LMNA: variants seen among roughly 807,000 people sequenced by gnomAD.
The protein encoded by LMNA is lamin.
In LMNA, 20 loss-of-function variants were observed where a neutral mutation model predicts 70.4. The ratio of observed to expected loss-of-function variants is 0.28; its 90% CI spans 0.20 to 0.41. The LOEUF is 0.41. Ranked by LOEUF, LMNA falls within the 10% of genes least tolerant of loss-of-function variation. The pLI is 1.00. For synonymous variants in LMNA, 339 were observed against 372.8 expected, an observed-to-expected ratio of 0.91 and a Z score of 1.04; for missense variants, 652 against 917.2, an observed-to-expected ratio of 0.71 and a Z score of 3.73.
At chr1:156,121,135 C>T (rs1318400435) in intron 1 of LMNA, among the ~76,000 whole-genome samples, 2 of 150,678 alleles carry the variant, frequency 1.3e-5, no homozygotes, top group Non-Finnish European at 3.0e-5. Flanking sequence ...CTGCAATCTC[C>T]ACCTCCCAGG....
In LMNA at chr1:156,093,299, A is replaced by T. The variant is rs140658943; in HGVS notation, c.-207+2717A>T. 8.6e-4 allele frequency among the ~76,000 whole-genome samples: 98 copies of T among 113,936 alleles called. 2 individuals are homozygous for T. The highest frequency in any genetic ancestry group is 1.1e-3 in the South Asian group (4 of 3,678). The allele number at this position is 113,936 out of a possible 152,430, so 74.7% of individuals were successfully genotyped here. ...CTTGCAGGACTCAATTTATATGTCAATTTTTTTTTTTTTTTTTTTTTTTTT... is the reference window on the plus strand; with the variant it reads ...CTTGCAGGACTCAATTTATATGTCATTTTTTTTTTTTTTTTTTTTTTTTTT... On this transcript the variant is annotated intron_variant, in intron 3 of 12. Transcript: ENST00000368301.
At position 156,137,803 on chromosome 1, in the gene LMNA, G is replaced by A. The variant is rs368763171; in HGVS notation, c.1698+60G>A. The A allele has an allele frequency of 6.5e-5, 100 of 1,546,782 alleles. No individual in the cohort carries two copies. The highest frequency in any genetic ancestry group is 8.4e-5 in the Non-Finnish European group (96 of 1,146,460). ...CTGGGGCCACCCAGCCAGGCCTGGG[G>A]GCAGCCTCTCCCCAGCCTCCCCGTG... On this transcript the variant is annotated intron_variant, in intron 10 of 11. Coordinates refer to ENST00000368300, the MANE Select transcript of LMNA (RefSeq NM_170707.4). The surrounding 1 kb of genome is among the most constrained non-coding windows in gnomAD (Gnocchi z 4.6).
At chr1:156,133,413 A>G (rs1467303648) in intron 2 of LMNA, among the ~76,000 whole-genome samples, 1 of 151,682 alleles carries the variant, frequency 6.6e-6, no homozygotes, top group African/African-American at 2.4e-5. Flanking sequence ...TCTACTAAAG[A>G]TACAAAAATT....
Position 156,115,200 on chromosome 1 carries a change from A to C in LMNA, c.282A>C (p.Ser94=). 6.2e-7 allele frequency: 1 copy of C among 1,613,200 alleles called. No homozygotes were observed. The highest frequency in any genetic ancestry group is 8.5e-7 in the Non-Finnish European group (1 of 1,179,770). The part of the protein sequence containing the change: ...ELGDARKTLD[S]VAKERARLQL... Reference sequence around the variant, plus strand: ...GGGATGCCCGCAAGACCCTTGACTCAGTAGCCAAGGAGCGCGCCCGCCTGC... The same window carrying C: ...GGGATGCCCGCAAGACCCTTGACTCCGTAGCCAAGGAGCGCGCCCGCCTGC... Residue 94 remains serine, a synonymous_variant, in exon 1 of 12, where the codon TCA becomes TCC. Transcript: ENST00000368300. This position sits in a 1 kb window ranked among gnomAD's most constrained non-coding sequence, Gnocchi z 5.8.
chr1:156,106,536 G>T (rs933892322), intron 3 of LMNA: 1 of 152,516 alleles, frequency 6.6e-6, no homozygotes. Flanking sequence ...GTGTGGAGTG[G>T]GGAGAACAGC....
At position 156,135,179 on chromosome 1, in the gene LMNA, C is replaced by T. The variant is rs780929524; in HGVS notation, c.811-8C>T. ...ACCACAGTCCTAACCCTTTGTCCTC[C>T]CCTCCAGCTGGACAATGCCAGGCAG... is the stretch of plus-strand genomic sequence containing the variant. On this transcript the variant is annotated splice_polypyrimidine_tract_variant and splice_region_variant and intron_variant, in intron 4 of 11. Coordinates refer to ENST00000368300, the MANE Select transcript of LMNA (RefSeq NM_170707.4). This position sits in a 1 kb window ranked among gnomAD's most constrained non-coding sequence, Gnocchi z 4.8. The T allele has an allele frequency of 1.9e-6, 3 of 1,614,036 alleles. No individual in the cohort carries two copies. In the Admixed American group the frequency reaches 5.0e-5, roughly 27 times the overall value.
intron 3 of LMNA, among the ~76,000 whole-genome samples, chr1:156,095,604 G>T (rs865796865): frequency 1.3e-5 from 2 of 150,594 alleles, no homozygotes; most frequent in African/African-American, 4.9e-5. Context: ...TGATCCACCC[G>T]CCTCGGCCTC....
intron 1 of LMNA, among the ~76,000 whole-genome samples, chr1:156,124,157 C>G (rs944321048): frequency 6.6e-6 from 1 of 152,084 alleles, no homozygotes; most frequent in South Asian, 2.1e-4. Context: ...GTGAGGGAGT[C>G]GGGGTGTTTC....
chr1:156,092,864 C>T (rs1331694526), intron 3 of LMNA, among the ~76,000 whole-genome samples: 1 of 150,562 alleles, frequency 6.6e-6, no homozygotes, highest in Non-Finnish European at 1.5e-5. Context: ...GGACTTTCTC[C>T]TTTCTTTCTT....
At position 156,134,744 on chromosome 1, in the gene LMNA, C is replaced by G; in HGVS notation, c.640-61C>G. 1 of 1,607,318 alleles carries G rather than the reference C, an allele frequency of 6.2e-7. No homozygotes were observed. The highest frequency in any genetic ancestry group is 2.2e-5 in the East Asian group (1 of 44,842). On this transcript the variant is annotated intron_variant, in intron 3 of 11. Coordinates refer to ENST00000368300, the MANE Select transcript of LMNA (RefSeq NM_170707.4). This position sits in a 1 kb window ranked among gnomAD's most constrained non-coding sequence, Gnocchi z 5.3. ...TGGGCAGGGAGCCCCGCCCCTGGGT[C>G]TTGGCCTCCCAGGAACTAATTCTGA...
rs1460631717 is a variant in LMNA, at chr1:156,136,378, C to T, written c.1322C>T (p.Ala441Val). The change falls in exon 7 of 12, where the codon GCC becomes GTC. Residue 441 changes from alanine (A) to valine (V), a missense_variant. Ala to Val is a moderately conservative substitution (Grantham distance 64). This residue lies in a region of LMNA where 327 missense variants were observed against 387.6 expected (regional missense o/e 0.84). Transcript: ENST00000368300. This position sits in a 1 kb window ranked among gnomAD's most constrained non-coding sequence, Gnocchi z 6.1. ...SQHARTSGRV[A>V]VEEVDEEGKF... is the part of the protein sequence containing the mutation. ...CACGCACGCACTAGCGGGCGCGTGG[C>T]CGTGGAGGAGGTGGATGAGGAGGGC... 1.2e-6 allele frequency: 2 copies of T among 1,611,350 alleles called. No individual in the cohort carries two copies. Among genetic ancestry groups the T allele is most frequent in the South Asian group, 2.2e-5 (2 of 90,910 alleles).
At chr1:156,105,093 C>T (rs1211180519) in intron 3 of LMNA, among the ~76,000 whole-genome samples, 3 of 152,180 alleles carry the variant, frequency 2.0e-5, no homozygotes, top group South Asian at 2.1e-4. Flanking sequence ...CTGTCACTGA[C>T]GGAGAGCCCC....
chr1:156,138,623 T>C lies in LMNA; in HGVS notation c.1834T>C (p.Ser612Pro), dbSNP rs761166160. 6.2e-7 allele frequency: 1 copy of C among 1,613,234 alleles called. No individual in the cohort carries two copies. Among genetic ancestry groups the C allele is most frequent in the Admixed American group, 1.7e-5 (1 of 59,976 alleles). Residue 612 changes from serine (S) to proline (P), a missense_variant, in exon 11 of 12, where the codon TCC becomes CCC. This residue lies in a region of LMNA where 327 missense variants were observed against 387.6 expected (regional missense o/e 0.84). Coordinates refer to ENST00000368300, the MANE Select transcript of LMNA (RefSeq NM_170707.4). The surrounding 1 kb of genome is among the most constrained non-coding windows in gnomAD (Gnocchi z 5.5). ...GSGAQVGGPI[S>P]SGSSASSVTV... Reference sequence around the variant, plus strand: ...AGGAGCCCAGGTGGGCGGACCCATCTCCTCTGGCTCTTCTGCCTCCAGTGT... The same window carrying C: ...AGGAGCCCAGGTGGGCGGACCCATCCCCTCTGGCTCTTCTGCCTCCAGTGT...
At chr1:156,104,491 A>C in intron 3 of LMNA, among the ~76,000 whole-genome samples, 1 of 149,706 alleles carries the variant, frequency 6.7e-6, no homozygotes, top group African/African-American at 2.5e-5. Context: ...TGTGGTCCTC[A>C]CCCCCTCCCT....
Position 156,137,351 on chromosome 1 carries a change from T to C in LMNA, c.1608+119T>C. ...AGGGCCCCTTTCTAGAGCTCTCTGT[T>C]GCAGGCTCCAGACTTCTCCACCCAG... On this transcript the variant is annotated intron_variant, in intron 9 of 11. Coordinates refer to ENST00000368300, the MANE Select transcript of LMNA (RefSeq NM_170707.4). The surrounding 1 kb of genome is among the most constrained non-coding windows in gnomAD (Gnocchi z 4.6). The C allele has an allele frequency of 7.4e-7, 1 of 1,347,948 alleles. No individual in the cohort carries two copies. Among genetic ancestry groups the C allele is most frequent in the Admixed American group, 2.0e-5 (1 of 50,584 alleles). 83.5% of individuals were successfully genotyped at this position (1,347,948 alleles called of 1,614,324 possible). A position where few individuals can be genotyped will look rare whatever the true frequency, so the allele number is the denominator to read the frequency against.
intron 3 of LMNA, among the ~76,000 whole-genome samples, chr1:156,091,604 AAAACAAAC>A (rs374242861): frequency 1.8e-4 from 27 of 152,128 alleles, no homozygotes; most frequent in South Asian, 1.5e-3. Flanking sequence ...CTCCGTCTCA[AAAACAAAC>A]AAACAAACAA....
In LMNA at chr1:156,136,716, A is replaced by G. The variant is rs1466587154; in HGVS notation, c.1381-205A>G. 5 of 680,052 alleles carry G rather than the reference A, an allele frequency of 7.4e-6. No homozygotes were observed. Among genetic ancestry groups the G allele is most frequent in the African/African-American group, 7.1e-5 (4 of 56,506 alleles). The allele number at this position is 680,052 out of a possible 1,614,324, so 42.1% of individuals were successfully genotyped here. The stretch of plus-strand genomic sequence containing the variant: ...GTCTTTGAGTTGTCAGGAAGATGAA[A>G]GATAAGGTATCCGTGTGCCTGGTGC... On this transcript the variant is annotated intron_variant, in intron 7 of 11. Transcript: ENST00000368300. The surrounding 1 kb of genome is among the most constrained non-coding windows in gnomAD (Gnocchi z 6.1).
At position 156,138,604 on chromosome 1, in the gene LMNA, C is replaced by A. The variant is rs2102901765; in HGVS notation, c.1815C>A (p.Ala605=). 6.2e-7 allele frequency: 1 copy of A among 1,613,010 alleles called. No homozygotes were observed. The highest frequency in any genetic ancestry group is 8.5e-7 in the Non-Finnish European group (1 of 1,179,842). Residue 605 remains alanine, a synonymous_variant, in exon 11 of 12, where the codon GCC becomes GCA. Transcript: ENST00000368300. This position sits in a 1 kb window ranked among gnomAD's most constrained non-coding sequence, Gnocchi z 5.5. ...ADKASASGSG[A]QVGGPISSGS... Reference sequence around the variant, plus strand: ...AGGCATCTGCCAGCGGCTCAGGAGCCCAGGTGGGCGGACCCATCTCCTCTG... The same window carrying A: ...AGGCATCTGCCAGCGGCTCAGGAGCACAGGTGGGCGGACCCATCTCCTCTG...
rs529449483 is a variant in LMNA at position 156,137,269 on chromosome 1, G to A, written c.1608+37G>A. On this transcript the variant is annotated intron_variant, in intron 9 of 11. Coordinates refer to ENST00000368300, the MANE Select transcript of LMNA (RefSeq NM_170707.4). The surrounding 1 kb of genome is among the most constrained non-coding windows in gnomAD (Gnocchi z 4.6). ...TGGGCCTGGCTGCTTGCTGGACGAG[G>A]CTCCCCCTGATGGCCAACATCGGAG... The A allele has an allele frequency of 1.0e-5, 16 of 1,543,842 alleles. No individual in the cohort carries two copies.
Sources: gnomAD v4.1 joint callset for allele counts (sites outside exome capture counted in the v4.1 genomes callset) on GRCh38, gnomAD v4.1.1 for gene constraint, gnomAD v4.1.1 regional missense constraint, Gnocchi (gnomAD v3.1) non-coding constraint, MANE v1.5 for transcripts, NCBI Gene and HGNC (gene_info 2026-07-23, HGNC 2026-07-21) for gene names.